Variants in FAT3 observed in about 807,000 individuals in gnomAD.
The protein encoded by FAT3 is FAT atypical cadherin 3.
FAT3 carries 95 observed loss-of-function variants against 310.2 expected under a neutral mutation model. The observed-to-expected ratio is 0.31, with a 90% CI of 0.26 to 0.36. The LOEUF is 0.36. FAT3 is among the 10% of genes least tolerant of loss of function. The pLI, the probability that FAT3 is intolerant of heterozygous loss-of-function variation, is 1.00. For missense variants in FAT3, 5,408 were observed against 5,715.6 expected (o/e 0.95, Z 1.74); for synonymous variants, 2,314 against 2,192.9 (o/e 1.06, Z -1.54).
intron 3 of FAT3, among the ~76,000 whole-genome samples, chr11:92,588,889 G>A (rs1006227523): frequency 2.0e-5 from 3 of 149,424 alleles, no homozygotes; most frequent in Non-Finnish European, 4.4e-5. Flanking sequence ...AATTAATGAG[G>A]AATTATATTA....
At chr11:92,687,963 G>A (rs1169159964) in intron 3 of FAT3, among the ~76,000 whole-genome samples, 3 of 151,922 alleles carry the variant, frequency 2.0e-5, no homozygotes, top group Non-Finnish European at 4.4e-5. Flanking sequence ...CACTTTGGGA[G>A]GCTGAGGCCA....
chr11:92,729,884 A>G (rs1470850964), intron 4 of FAT3, among the ~76,000 whole-genome samples: 1 of 152,198 alleles, frequency 6.6e-6, no homozygotes, highest in Non-Finnish European at 1.5e-5. Flanking sequence ...TGAGACTACA[A>G]GACTACTCTA....
chr11:92,806,111 CTT>C (rs1300407258), intron 11 of FAT3, among the ~76,000 whole-genome samples: 7 of 152,074 alleles, frequency 4.6e-5, no homozygotes, highest in Non-Finnish European at 1.0e-4. Flanking sequence ...CCGTGGTACT[CTT>C]AGTGCTTAGA....
At chr11:92,337,563 C>T (rs533045164) in intron 1 of FAT3, among the ~76,000 whole-genome samples, 1 of 152,290 alleles carries the variant, frequency 6.6e-6, no homozygotes, top group South Asian at 2.1e-4. Context: ...TCCTGAGTAG[C>T]TGAGATTACA....
intron 3 of FAT3, among the ~76,000 whole-genome samples, chr11:92,582,168 C>A (rs1938839983): frequency 6.6e-6 from 1 of 151,800 alleles, no homozygotes; most frequent in African/African-American, 2.4e-5. Flanking sequence ...ACTCTTGTCA[C>A]CATCTTCGTC....
At chr11:92,719,398 G>A (rs1277948244) in intron 4 of FAT3, among the ~76,000 whole-genome samples, 1 of 151,928 alleles carries the variant, frequency 6.6e-6, no homozygotes, top group Admixed American at 6.6e-5. Context: ...AATATCCGTG[G>A]AGGATTGGTT....
intron 1 of FAT3, among the ~76,000 whole-genome samples, chr11:92,251,200 C>G (rs1865124292): frequency 6.6e-6 from 1 of 152,094 alleles, no homozygotes; most frequent in African/African-American, 2.4e-5. Context: ...ATAGTCTGAT[C>G]AGTTTCATTG....
chr11:92,751,159 G>A lies in FAT3; in HGVS notation c.3670-10697G>A, dbSNP rs573984075. On this transcript the variant is annotated intron_variant, in intron 4 of 27. Coordinates refer to ENST00000525166, the MANE Select transcript of FAT3 (RefSeq NM_001367949.2). ...AAAGGTGGCCATGCCCATGGGGTGGGGCAAGCATTTAGATGAAAGGCAGCA... is the reference window on the plus strand; with the variant it reads ...AAAGGTGGCCATGCCCATGGGGTGGAGCAAGCATTTAGATGAAAGGCAGCA... Among the ~76,000 whole-genome samples, 27 of 152,292 alleles carry A rather than the reference G, an allele frequency of 1.8e-4. No homozygotes were observed. The South Asian group carries it at 5.2e-3, about 29-fold the overall frequency.
intron 1 of FAT3, among the ~76,000 whole-genome samples, chr11:92,341,739 T>C (rs528455564): frequency 6.6e-6 from 1 of 152,304 alleles, no homozygotes; most frequent in South Asian, 2.1e-4. Flanking sequence ...GTTAAGCTGT[T>C]TGGTTTCTTC....
intron 3 of FAT3, among the ~76,000 whole-genome samples, chr11:92,549,141 G>A (rs1476266922): frequency 6.6e-6 from 1 of 152,008 alleles, no homozygotes; most frequent in Non-Finnish European, 1.5e-5. Flanking sequence ...TGTCATAATT[G>A]TCCCCCCTTC....
chr11:92,296,239 G>A (rs1462433457), intron 1 of FAT3, among the ~76,000 whole-genome samples: 1 of 152,122 alleles, frequency 6.6e-6, no homozygotes, highest in African/African-American at 2.4e-5. Context: ...AAGAGTGTGT[G>A]GTTAAGACCA....
intron 3 of FAT3, among the ~76,000 whole-genome samples, chr11:92,633,606 C>G (rs1027661185): frequency 6.6e-6 from 1 of 152,084 alleles, no homozygotes; most frequent in Non-Finnish European, 1.5e-5. Context: ...ATATGGATGA[C>G]AAACAGTCAA....
Position 92,890,904 on chromosome 11 carries a change from A to G in FAT3, c.13561A>G (p.Met4521Val). ...SCEFSTFAVS[M>V]NQGTEPTGPA... ...TGAATTTAGTACTTTTGCTGTGAGC[A>G]TGAACCAGGGCACAGAGCCCACAGG... is the stretch of plus-strand genomic sequence containing the variant. The change falls in exon 28 of 28, where the codon ATG becomes GTG. Residue 4521 changes from methionine (M) to valine (V), a missense_variant. By Grantham distance (21) the Met-to-Val change is conservative. Around this residue, in one of 5 missense-constraint regions of FAT3, gnomAD observed 649 missense variants for 666.2 expected, o/e 0.97. Transcript: ENST00000525166. 1 of 1,614,018 alleles carries G rather than the reference A, an allele frequency of 6.2e-7. No homozygotes were observed. The highest frequency in any genetic ancestry group is 8.5e-7 in the Non-Finnish European group (1 of 1,179,888).
At position 92,844,269 on chromosome 11, in the gene FAT3, C is replaced by T. The variant is rs763127197; in HGVS notation, c.10902C>T (p.Val3634=). 3.5e-5 allele frequency: 57 copies of T among 1,613,938 alleles called. No homozygotes were observed. Among genetic ancestry groups the T allele is most frequent in the Non-Finnish European group, 4.5e-5 (53 of 1,179,892 alleles). Residue 3634 remains valine (V), a synonymous_variant, in exon 19 of 28, where the codon GTC becomes GTT. Transcript: ENST00000525166. ...DGRFQVPIDV[V]VHVEQLVHEM... ...GCTTCCAGGTACCCATTGATGTGGT[C>T]GTGCATGTGGAGCAGTTGGTGCATG...
At chr11:92,552,979 A>T (rs921979245) in intron 3 of FAT3, among the ~76,000 whole-genome samples, 5 of 151,880 alleles carry the variant, frequency 3.3e-5, no homozygotes, top group Non-Finnish European at 7.4e-5. Context: ...AAGAAAAAAG[A>T]ATTGGAAATA....
chr11:92,822,782 T>A (rs1335051181), intron 13 of FAT3, among the ~76,000 whole-genome samples: 1 of 152,230 alleles, frequency 6.6e-6, no homozygotes, highest in Non-Finnish European at 1.5e-5. Flanking sequence ...TAACTTGCAG[T>A]TGCCTCTGAA....
At chr11:92,556,390 T>C (rs1955018577) in intron 3 of FAT3, among the ~76,000 whole-genome samples, 1 of 152,174 alleles carries the variant, frequency 6.6e-6, no homozygotes, top group Non-Finnish European at 1.5e-5. Context: ...AATGCCTCCA[T>C]GGGTCATTTC....
chr11:92,679,428 T>C (rs899340445), intron 3 of FAT3, among the ~76,000 whole-genome samples: 4 of 152,130 alleles, frequency 2.6e-5, no homozygotes, highest in Non-Finnish European at 5.9e-5. Context: ...GTAGCATTTA[T>C]GAGTTCCCTT....
At chr11:92,618,984 G>T (rs1047272826) in intron 3 of FAT3, among the ~76,000 whole-genome samples, 5 of 152,024 alleles carry the variant, frequency 3.3e-5, no homozygotes, top group African/African-American at 1.2e-4. Flanking sequence ...CGTTTTTTAT[G>T]GATGCCCTTT....
Sources: gnomAD v4.1 joint callset for allele counts (sites outside exome capture counted in the v4.1 genomes callset) on GRCh38, gnomAD v4.1.1 for gene constraint, gnomAD v4.1.1 regional missense constraint, MANE v1.5 for transcripts, NCBI Gene and HGNC (gene_info 2026-07-23, HGNC 2026-07-21) for gene names.